ZFHX4: variants seen among roughly 807,000 people sequenced by gnomAD.
ZFHX4 encodes zinc finger homeobox 4, also known as zinc finger homeobox protein 4.
A neutral mutation model predicts 267.6 loss-of-function variants in ZFHX4; 56 were observed. The observed-to-expected ratio is 0.21, with a 90% CI of 0.17 to 0.26. ZFHX4 has a LOEUF of 0.26. ZFHX4 is among the 10% of genes least tolerant of loss of function. The pLI, the probability that ZFHX4 is intolerant of heterozygous loss-of-function variation, is 1.00. For missense variants in ZFHX4, 4,332 were observed against 4,420.0 expected (o/e 0.98, Z 0.56); for synonymous variants, 1,778 against 1,665.6 (o/e 1.07, Z -1.64).
At chr8:76,683,771 A>C (rs1369450692) in intron 1 of ZFHX4, 1 of 151,572 alleles carries the variant, frequency 6.6e-6, no homozygotes, top group Non-Finnish European at 1.5e-5. Flanking sequence ...GGAGTGGTTA[A>C]AGCTCATATG....
intron 4 of ZFHX4, among the ~76,000 whole-genome samples, chr8:76,822,687 C>T (rs1363465296): frequency 6.6e-6 from 1 of 152,052 alleles, no homozygotes; most frequent in East Asian, 1.9e-4. Flanking sequence ...AGTGATCCCC[C>T]ATCTTGGCCT....
At chr8:76,835,241 GTATATATA>G (rs144954045) in intron 5 of ZFHX4, among the ~76,000 whole-genome samples, 2 of 42,648 alleles carry the variant, frequency 4.7e-5, no homozygotes, top group Non-Finnish European at 8.7e-5. Context: ...ATATATATAT[GTATATATA>G]TATATATATA....
chr8:76,864,313 G>A lies in ZFHX4; in HGVS notation c.10599G>A (p.Ala3533=), dbSNP rs140415650. The A allele has an allele frequency of 1.2e-4, 187 of 1,613,674 alleles. No individual in the cohort carries two copies. The highest frequency in any genetic ancestry group is 1.1e-3 in the African/African-American group (79 of 74,970). ...CCTGGCCTAATATCCTTTTCCAAGC[G>A]TCTGCCAGGAGAGCTGCTTCTCCCC... ...MKSWPNILFQ[A]SARRAASPPS... The change falls in exon 11 of 11, where the codon GCG becomes GCA. Residue 3533 remains alanine (A), a synonymous_variant. Coordinates refer to ENST00000651372, the MANE Select transcript of ZFHX4 (RefSeq NM_024721.5).
chr8:76,850,588 A>G (rs1225076358), intron 9 of ZFHX4, among the ~76,000 whole-genome samples: 1 of 152,212 alleles, frequency 6.6e-6, no homozygotes, highest in Non-Finnish European at 1.5e-5. Flanking sequence ...TGTGTGATCT[A>G]ATTCATGAAC....
intron 4 of ZFHX4, among the ~76,000 whole-genome samples, chr8:76,832,565 G>T (rs1388448226): frequency 3.9e-5 from 6 of 152,156 alleles, no homozygotes; most frequent in Non-Finnish European, 7.4e-5. Context: ...GGAAAGAGAA[G>T]AAGACAGAGG....
intron 4 of ZFHX4, among the ~76,000 whole-genome samples, chr8:76,829,102 T>C (rs1186499626): frequency 6.6e-6 from 1 of 152,134 alleles, no homozygotes; most frequent in Non-Finnish European, 1.5e-5. Context: ...GCATCCCAAA[T>C]TTTGCCCATG....
intron 3 of ZFHX4, among the ~76,000 whole-genome samples, chr8:76,774,685 AAG>A (rs1423936715): frequency 6.6e-6 from 1 of 152,132 alleles, no homozygotes; most frequent in Non-Finnish European, 1.5e-5. Flanking sequence ...ATTTTTAAAA[AAG>A]AATATAATTT....
chr8:76,796,582 G>A (rs1233857655), intron 4 of ZFHX4, among the ~76,000 whole-genome samples: 2 of 152,126 alleles, frequency 1.3e-5, no homozygotes, highest in Admixed American at 1.3e-4. Flanking sequence ...GGGAAGATGA[G>A]CAACAGCGTG....
At chr8:76,747,855 C>T (rs1383766020) in intron 3 of ZFHX4, among the ~76,000 whole-genome samples, 1 of 152,092 alleles carries the variant, frequency 6.6e-6, no homozygotes, top group Non-Finnish European at 1.5e-5. Context: ...TCACTTGAAC[C>T]TGGGAGGCGG....
Position 76,853,011 on chromosome 8 carries a change from G to C in ZFHX4, c.6090G>C (p.Thr2030=). The C allele has an allele frequency of 1.3e-6, 2 of 1,522,982 alleles. No homozygotes were observed. The highest frequency in any genetic ancestry group is 1.8e-6 in the Non-Finnish European group (2 of 1,125,436). The allele number at this position is 1,522,982 out of a possible 1,614,324, so 94.3% of individuals were successfully genotyped here. Residue 2030 remains threonine (T), a synonymous_variant, in exon 10 of 11, where the codon ACG becomes ACC. Coordinates refer to ENST00000651372, the MANE Select transcript of ZFHX4 (RefSeq NM_024721.5). Reference sequence around the variant, plus strand: ...TGGGTCCTGTAAAGATCCCCAACACGGTTTCTACTCCTCTGCAAGCTCCAC... The same window carrying C: ...TGGGTCCTGTAAAGATCCCCAACACCGTTTCTACTCCTCTGCAAGCTCCAC... The part of the protein sequence containing the change: ...SSMGPVKIPN[T]VSTPLQAPPP...
intron 10 of ZFHX4, among the ~76,000 whole-genome samples, chr8:76,856,892 T>C (rs949366798): frequency 2.8e-4 from 42 of 152,348 alleles, no homozygotes; most frequent in African/African-American, 8.9e-4. Flanking sequence ...GCACAGAATT[T>C]AGCATTGCTA....
intron 3 of ZFHX4, among the ~76,000 whole-genome samples, chr8:76,755,511 A>G (rs1809738282): frequency 1.3e-5 from 2 of 152,196 alleles, no homozygotes; most frequent in South Asian, 2.1e-4. Flanking sequence ...CATAGGTAAT[A>G]TAAAAGCGCG....
At chr8:76,837,753 G>A (rs1812130268) in intron 5 of ZFHX4, among the ~76,000 whole-genome samples, 1 of 152,112 alleles carries the variant, frequency 6.6e-6, no homozygotes, top group South Asian at 2.1e-4. Flanking sequence ...ATTACAGCAA[G>A]TAGGCAATAT....
chr8:76,818,187 G>T (rs2131858258), intron 4 of ZFHX4, among the ~76,000 whole-genome samples: 1 of 152,164 alleles, frequency 6.6e-6, no homozygotes, highest in East Asian at 1.9e-4. Flanking sequence ...AAATTGAGTA[G>T]GGAAGGAAAA....
chr8:76,771,398 G>T (rs1326974584), intron 3 of ZFHX4, among the ~76,000 whole-genome samples: 5 of 151,996 alleles, frequency 3.3e-5, no homozygotes, highest in Non-Finnish European at 5.9e-5. Flanking sequence ...TTAAATTCAT[G>T]AATCAGTTTT....
chr8:76,797,888 G>A (rs906283594), intron 4 of ZFHX4, among the ~76,000 whole-genome samples: 2 of 131,318 alleles, frequency 1.5e-5, no homozygotes, highest in African/African-American at 7.0e-5. Context: ...GTGTCTGTAT[G>A]TGTGTGTGTG....
At chr8:76,810,044 A>C (rs982496496) in intron 4 of ZFHX4, among the ~76,000 whole-genome samples, 3 of 152,194 alleles carry the variant, frequency 2.0e-5, no homozygotes, top group African/African-American at 7.2e-5. Context: ...AAAAATATCA[A>C]CCTAAAGTGT....
In ZFHX4 at chr8:76,741,751, T is replaced by A. The variant is rs377075160; in HGVS notation, c.3093+33703T>A. On this transcript the variant is annotated intron_variant, in intron 3 of 10. Coordinates refer to ENST00000651372, the MANE Select transcript of ZFHX4 (RefSeq NM_024721.5). Reference sequence around the variant, plus strand: ...AATCAGAAAGTCTCTATTTCCAGAGTTTCCCATTCCTTATATCACCATCTA... The same window carrying A: ...AATCAGAAAGTCTCTATTTCCAGAGATTCCCATTCCTTATATCACCATCTA... 7.2e-5 allele frequency among the ~76,000 whole-genome samples: 11 copies of A among 152,140 alleles called. No homozygotes were observed. The East Asian group carries it at 1.7e-3, about 24-fold the overall frequency.
intron 3 of ZFHX4, among the ~76,000 whole-genome samples, chr8:76,712,803 C>A (rs768119518): frequency 6.6e-6 from 1 of 151,814 alleles, no homozygotes; most frequent in Non-Finnish European, 1.5e-5. Context: ...ATGTTCATTT[C>A]AAGGTTGAAA....
Sources: gnomAD v4.1 joint callset for allele counts (sites outside exome capture counted in the v4.1 genomes callset) on GRCh38, gnomAD v4.1.1 for gene constraint, MANE v1.5 for transcripts, NCBI Gene and HGNC (gene_info 2026-07-23, HGNC 2026-07-21) for gene names.